KCNQ1: variants seen among roughly 807,000 people sequenced by gnomAD.
KCNQ1 encodes the protein potassium voltage-gated channel subfamily Q member 1, also known as potassium voltage-gated channel subfamily KQT member 1.
In KCNQ1, 49 loss-of-function variants were observed where a neutral mutation model predicts 72.4. The ratio of observed to expected loss-of-function variants is 0.68; its 90% CI spans 0.54 to 0.86. KCNQ1 has a LOEUF of 0.86. Ranked by LOEUF, KCNQ1 falls within the 40% of genes least tolerant of loss-of-function variation. The probability of loss-of-function intolerance (pLI) is 0.00; values close to 1 mark genes in which losing one functional copy is unlikely to be tolerated. For missense variants in KCNQ1, 790 were observed against 945.1 expected (o/e 0.84, Z 2.15); for synonymous variants, 450 against 412.6 (o/e 1.09, Z -1.10).
intron 15 of KCNQ1, among the ~76,000 whole-genome samples, chr11:2,838,735 T>A (rs1848138428): frequency 6.6e-6 from 1 of 152,086 alleles, no homozygotes; most frequent in Non-Finnish European, 1.5e-5. Flanking sequence ...CCTGCCCACC[T>A]GCCCCCGTGG....
intron 10 of KCNQ1, chr11:2,635,662 C>T (rs1248635887): frequency 3.9e-5 from 6 of 152,064 alleles, no homozygotes; most frequent in East Asian, 1.9e-4. Context: ...CTTGGCAATG[C>T]GGGCTCTTTT....
intron 11 of KCNQ1, chr11:2,693,909 C>T (rs1850630675): frequency 5.0e-6 from 2 of 398,670 alleles, no homozygotes; most frequent in Non-Finnish European, 4.4e-6. Flanking sequence ...CTGGAGTGTA[C>T]TGCAAACCTG....
At chr11:2,520,347 C>A (rs944256157) in intron 1 of KCNQ1, among the ~76,000 whole-genome samples, 1 of 152,198 alleles carries the variant, frequency 6.6e-6, no homozygotes, top group East Asian at 1.9e-4. Flanking sequence ...TCCAGCCCAG[C>A]GTGGGGCCCT....
chr11:2,571,271 T>C (rs2133728560), intron 3 of KCNQ1, 54 bp from the exon 4 acceptor site: 1 of 1,443,090 alleles, frequency 6.9e-7, no homozygotes, highest in Non-Finnish European at 9.8e-7. Flanking sequence ...TGCTCTTCCC[T>C]GGGGCCCTGG....
chr11:2,777,946 G>T (rs370419827), intron 14 of KCNQ1, 30 bp from the exon 15 acceptor site: 171 of 1,611,776 alleles, frequency 1.1e-4, no homozygotes, highest in Non-Finnish European at 1.4e-4. Flanking sequence ...CCAGCACTTG[G>T]CCCTGATTTG....
intron 15 of KCNQ1, among the ~76,000 whole-genome samples, chr11:2,823,964 C>T (rs1311165966): frequency 6.6e-6 from 1 of 152,170 alleles, no homozygotes; most frequent in Non-Finnish European, 1.5e-5. Context: ...CAGCATGTCA[C>T]CAAAAGCTGA....
chr11:2,707,940 C>G (rs1463688381), intron 11 of KCNQ1, among the ~76,000 whole-genome samples: 1 of 152,214 alleles, frequency 6.6e-6, no homozygotes, highest in African/African-American at 2.4e-5. Flanking sequence ...AGCGCCGAAC[C>G]TGCATGTGCC....
chr11:2,835,045 G>A (rs964122391), intron 15 of KCNQ1, among the ~76,000 whole-genome samples: 14 of 152,054 alleles, frequency 9.2e-5, no homozygotes, highest in South Asian at 4.1e-4. Flanking sequence ...AGCCAGAAGC[G>A]GGGGAGGGAG....
At chr11:2,500,194 G>C (rs963243974) in intron 1 of KCNQ1, among the ~76,000 whole-genome samples, 4 of 152,084 alleles carry the variant, frequency 2.6e-5, no homozygotes, top group African/African-American at 9.7e-5. Context: ...CTTGAGCAGT[G>C]GTTTGTAGTT....
At position 2,550,988 on chromosome 11, in the gene KCNQ1, C is replaced by T. The variant is rs1010822616; in HGVS notation, c.478-19640C>T. On this transcript the variant is annotated intron_variant, in intron 2 of 15. Coordinates refer to ENST00000155840, the MANE Select transcript of KCNQ1 (RefSeq NM_000218.3). This position sits in a 1 kb window ranked among gnomAD's most constrained non-coding sequence, Gnocchi z 6.0. ...AGGAGGCAGGGGAGGCTGTGCTGAGCTCAGTGGGCTTGGTGGGGTCATAGC... is the reference window on the plus strand; with the variant it reads ...AGGAGGCAGGGGAGGCTGTGCTGAGTTCAGTGGGCTTGGTGGGGTCATAGC... Among the ~76,000 whole-genome samples the T allele has an allele frequency of 1.3e-5, 2 of 152,144 alleles. No homozygotes were observed. Among genetic ancestry groups the T allele is most frequent in the African/African-American group, 2.4e-5 (1 of 41,400 alleles).
chr11:2,551,209 C>A lies in KCNQ1; in HGVS notation c.478-19419C>A, dbSNP rs550563943. Among the ~76,000 whole-genome samples, 4 of 152,282 alleles carry A rather than the reference C, an allele frequency of 2.6e-5. No individual in the cohort carries two copies. The East Asian group carries it at 5.8e-4, about 22-fold the overall frequency. ...AACATTTATGGTCCTGTAACCACCC[C>A]CAAAGTCAAGATCCAAGGTGTTCCC... On this transcript the variant is annotated intron_variant, in intron 2 of 15. Coordinates refer to ENST00000155840, the MANE Select transcript of KCNQ1 (RefSeq NM_000218.3).
intron 10 of KCNQ1, among the ~76,000 whole-genome samples, chr11:2,590,984 A>T (rs1848663498): frequency 6.6e-6 from 1 of 152,106 alleles, no homozygotes; most frequent in African/African-American, 2.4e-5. Flanking sequence ...AAGTAATATG[A>T]TCCATTCCCT....
rs1420103942 is a variant in KCNQ1, at chr11:2,619,740, T to C, written c.1393+30886T>C. On this transcript the variant is annotated intron_variant, in intron 10 of 15. Coordinates refer to ENST00000155840, the MANE Select transcript of KCNQ1 (RefSeq NM_000218.3). ...TTTTTTTTTTTGGAAGTATTCCCTATAGCTGCATTTTTTTGGAAGAGTTTA... is the reference window on the plus strand; with the variant it reads ...TTTTTTTTTTTGGAAGTATTCCCTACAGCTGCATTTTTTTGGAAGAGTTTA... The C allele has an allele frequency of 4.8e-5, 19 of 398,162 alleles. No homozygotes were observed. The Admixed American group carries it at 5.3e-4, about 11-fold the overall frequency. The allele number at this position is 398,162 out of a possible 1,614,324, so 24.7% of individuals were successfully genotyped here.
chr11:2,540,049 C>T (rs371687826), intron 2 of KCNQ1, among the ~76,000 whole-genome samples: 1 of 152,096 alleles, frequency 6.6e-6, no homozygotes, highest in Non-Finnish European at 1.5e-5. Flanking sequence ...ACGTGGGGCT[C>T]CTAGGGGGCT....
At position 2,674,309 on chromosome 11, in the gene KCNQ1, C is replaced by G. The variant is rs765286982; in HGVS notation, c.1514+12228C>G. ...CTTTCTTCATCATGCAGCCGTAGAG[C>G]TGGAGGCCAAGGACACCCTCTGGAA... On this transcript the variant is annotated intron_variant, in intron 11 of 15. Transcript: ENST00000155840. The surrounding 1 kb of genome is among the most constrained non-coding windows in gnomAD (Gnocchi z 5.9). 7.5e-6 allele frequency: 3 copies of G among 398,592 alleles called. No homozygotes were observed. The highest frequency in any genetic ancestry group is 1.3e-5 in the Non-Finnish European group (3 of 226,166). 24.7% of individuals were successfully genotyped at this position (398,592 alleles called of 1,614,324 possible).
rs1399146512 is a variant in KCNQ1 at position 2,627,206 on chromosome 11, CAAATT to C, written c.1394-34751_1394-34747del. 2 of 398,294 alleles carry C rather than the reference CAAATT, an allele frequency of 5.0e-6. No individual in the cohort carries two copies. Among genetic ancestry groups the C allele is most frequent in the East Asian group, 7.1e-5 (2 of 28,058 alleles). 24.7% of individuals were successfully genotyped at this position (398,294 alleles called of 1,614,324 possible). On this transcript the variant is annotated intron_variant, in intron 10 of 15. Transcript: ENST00000155840. The surrounding 1 kb of genome is among the most constrained non-coding windows in gnomAD (Gnocchi z 4.9). ...TCAGCTTTTATTGAGGTATAATTGACAAATTAAAAGTGCATATATTTAAGAACATA... is the reference window on the plus strand; with the variant it reads ...TCAGCTTTTATTGAGGTATAATTGACAAAAGTGCATATATTTAAGAACATA...
chr11:2,842,219 C>T (rs886702750), intron 15 of KCNQ1, among the ~76,000 whole-genome samples: 4 of 152,190 alleles, frequency 2.6e-5, no homozygotes, highest in African/African-American at 4.8e-5. Context: ...GGGGCTGCCA[C>T]GACGCTCGAC....
At position 2,552,586 on chromosome 11, in the gene KCNQ1, C is replaced by CA. The variant is rs948011621; in HGVS notation, c.478-18032dup. Among the ~76,000 whole-genome samples, 52 of 148,932 alleles carry CA rather than the reference C, an allele frequency of 3.5e-4. No individual in the cohort carries two copies. In the East Asian group the frequency reaches 5.1e-3, roughly 15 times the overall value. ...CTTAGAATCAGCTCGTCAATTCTAC[C>CA]AAAAAAAAAATTGGCTAGAATTTTG... On this transcript the variant is annotated intron_variant, in intron 2 of 15. Transcript: ENST00000155840.
intron 12 of KCNQ1, among the ~76,000 whole-genome samples, chr11:2,774,412 C>T (rs1339309601): frequency 2.0e-5 from 3 of 152,146 alleles, no homozygotes; most frequent in South Asian, 2.1e-4. Flanking sequence ...TGTGAGGACA[C>T]GGGCCCCATC....
Sources: allele counts gnomAD v4.1 joint callset (sites outside exome capture counted in the v4.1 genomes callset), GRCh38; gene constraint gnomAD v4.1.1; non-coding constraint Gnocchi (gnomAD v3.1); transcripts MANE v1.5; gene names NCBI Gene and HGNC (gene_info 2026-07-23, HGNC 2026-07-21).